The following TGFB2 variants were observed in gnomAD, a reference collection of about 807,000 sequenced individuals.
TGFB2 encodes the protein transforming growth factor beta 2.
A neutral mutation model predicts 42.7 loss-of-function variants in TGFB2; 13 were observed. The observed-to-expected ratio is 0.30, with a 90% CI of 0.20 to 0.48. The LOEUF (loss-of-function observed/expected upper bound fraction) is 0.48, where lower values mean the gene tolerates loss of function less well. Ranked by LOEUF, TGFB2 falls within the 20% of genes least tolerant of loss-of-function variation. The pLI, the probability that TGFB2 is intolerant of heterozygous loss-of-function variation, is 0.99. For synonymous variants in TGFB2, 193 were observed against 193.6 expected (o/e 1.00, Z 0.03); for missense variants, 390 against 517.5 (o/e 0.75, Z 2.39).
chr1:218,346,237 C>T lies in TGFB2; in HGVS notation c.-465C>T, dbSNP rs1656671466. On this transcript the variant is annotated 5_prime_UTR_variant, in exon 1 of 7. Coordinates refer to ENST00000366930, the MANE Select transcript of TGFB2 (RefSeq NM_003238.6). This position sits in a 1 kb window ranked among gnomAD's most constrained non-coding sequence, Gnocchi z 4.9. ...GCCCCCCTCACCGCGCTCCCGGCGC[C>T]CCTCCCGTCAGTTCGCCAGCTGCCA... 1 of 155,884 alleles carries T rather than the reference C, an allele frequency of 6.4e-6. No homozygotes were observed. Among genetic ancestry groups the T allele is most frequent in the African/African-American group, 2.4e-5 (1 of 41,502 alleles). 9.7% of individuals were successfully genotyped at this position (155,884 alleles called of 1,614,324 possible).
chr1:218,437,558 A>G (rs1431079284), intron 6 of TGFB2, 62 bp downstream of exon 6: 2 of 1,504,364 alleles, frequency 1.3e-6, no homozygotes, highest in South Asian at 2.8e-5. Context: ...TGCTGATAGT[A>G]TTTCCAAATG....
chr1:218,415,054 G>A (rs2102605254), intron 2 of TGFB2, among the ~76,000 whole-genome samples: 1 of 152,144 alleles, frequency 6.6e-6, no homozygotes, highest in East Asian at 1.9e-4. Context: ...GGGAGTCTGA[G>A]GAAGTCATGT....
chr1:218,406,485 C>T (rs1658915836), intron 2 of TGFB2, among the ~76,000 whole-genome samples: 1 of 152,184 alleles, frequency 6.6e-6, no homozygotes, highest in African/African-American at 2.4e-5. Context: ...ACAAGATCCG[C>T]AGGTGCTTCT....
chr1:218,405,675 GGTT>G, intron 2 of TGFB2: 1 of 350,222 alleles, frequency 2.9e-6, no homozygotes, highest in African/African-American at 2.1e-5. Context: ...GGCTCATTTA[GGTT>G]GTTGTAATGG....
chr1:218,373,808 T>C (rs1483346706), intron 1 of TGFB2, among the ~76,000 whole-genome samples: 1 of 152,216 alleles, frequency 6.6e-6, no homozygotes, highest in Non-Finnish European at 1.5e-5. Context: ...GGCATCATTC[T>C]CTTCTGATAA....
chr1:218,346,630 C>A lies in TGFB2; in HGVS notation c.-72C>A. On this transcript the variant is annotated 5_prime_UTR_variant, in exon 1 of 7. Transcript: ENST00000366930. The surrounding 1 kb of genome is among the most constrained non-coding windows in gnomAD (Gnocchi z 4.9). ...ACCAAACAACTCTCCTTGATCTATACTTTGAGAATTGTTGATTTCTTTTTT... is the reference window on the plus strand; with the variant it reads ...ACCAAACAACTCTCCTTGATCTATAATTTGAGAATTGTTGATTTCTTTTTT... The A allele has an allele frequency of 1.5e-6, 2 of 1,367,008 alleles. No individual in the cohort carries two copies. Among genetic ancestry groups the A allele is most frequent in the Non-Finnish European group, 2.0e-6 (2 of 1,003,804 alleles). 84.7% of individuals were successfully genotyped at this position (1,367,008 alleles called of 1,614,324 possible). A position where few individuals can be genotyped will look rare whatever the true frequency, so the allele number is the denominator to read the frequency against.
chr1:218,398,147 G>A (rs1658585908), intron 1 of TGFB2, among the ~76,000 whole-genome samples: 1 of 152,252 alleles, frequency 6.6e-6, no homozygotes, highest in African/African-American at 2.4e-5. Flanking sequence ...CCAGTATGTA[G>A]TCACACATTG....
At chr1:218,428,514 A>G (rs1167021764) in intron 2 of TGFB2, among the ~76,000 whole-genome samples, 1 of 152,174 alleles carries the variant, frequency 6.6e-6, no homozygotes, top group Non-Finnish European at 1.5e-5. Context: ...ATTTTTGTAT[A>G]AGGTGTAAGG....
At position 218,346,755 on chromosome 1, in the gene TGFB2, G is replaced by C. The variant is rs781126315; in HGVS notation, c.54G>C (p.Ala18=). ...AFLILHLVTV[A]LSLSTCSTLD... Reference sequence around the variant, plus strand: ...TGATCCTGCATCTGGTCACGGTCGCGCTCAGCCTGTCTACCTGCAGCACAC... The same window carrying C: ...TGATCCTGCATCTGGTCACGGTCGCCCTCAGCCTGTCTACCTGCAGCACAC... Residue 18 remains alanine, a synonymous_variant, in exon 1 of 7, where the codon GCG becomes GCC. Transcript: ENST00000366930. This position sits in a 1 kb window ranked among gnomAD's most constrained non-coding sequence, Gnocchi z 4.9. 6.2e-7 allele frequency: 1 copy of C among 1,613,996 alleles called. No homozygotes were observed. The highest frequency in any genetic ancestry group is 8.5e-7 in the Non-Finnish European group (1 of 1,180,016).
chr1:218,438,896 C>T (rs562486734), intron 6 of TGFB2, among the ~76,000 whole-genome samples: 10 of 152,166 alleles, frequency 6.6e-5, no homozygotes, highest in African/African-American at 2.2e-4. Flanking sequence ...ATCACGAGGT[C>T]AGGAGTTCAA....
At chr1:218,437,227 ATGTT>A in intron 5 of TGFB2, 112 bp from the exon 6 acceptor site, 1 of 1,032,044 alleles carries the variant, frequency 9.7e-7, no homozygotes, top group South Asian at 1.7e-5. Context: ...TGCTCATTAG[ATGTT>A]TGTTGAATAA....
chr1:218,346,058 A>T lies in TGFB2; in HGVS notation c.-644A>T, dbSNP rs747761067. 7.1e-6 allele frequency among the ~76,000 whole-genome samples: 1 copy of T among 140,922 alleles called. No individual in the cohort carries two copies. Among genetic ancestry groups the T allele is most frequent in the South Asian group, 2.3e-4 (1 of 4,272 alleles). The allele number at this position is 140,922 out of a possible 152,430, so 92.5% of individuals were successfully genotyped here. A position where few individuals can be genotyped will look rare whatever the true frequency, so the allele number is the denominator to read the frequency against. On this transcript the variant is annotated 5_prime_UTR_variant, in exon 1 of 7. Transcript: ENST00000366930. This position sits in a 1 kb window ranked among gnomAD's most constrained non-coding sequence, Gnocchi z 4.9. ...GCTCGCCCCCAGCGCGCGCACACGC[A>T]CACACACACACACACACACACACGC...
intron 1 of TGFB2, among the ~76,000 whole-genome samples, chr1:218,394,392 T>C (rs896891202): frequency 8.6e-5 from 13 of 152,040 alleles, no homozygotes; most frequent in African/African-American, 2.9e-4. Flanking sequence ...GATGGAAACT[T>C]TGGAATAGAA....
intron 1 of TGFB2, among the ~76,000 whole-genome samples, chr1:218,388,759 C>T (rs1329807369): frequency 6.6e-6 from 1 of 152,184 alleles, no homozygotes; most frequent in Non-Finnish European, 1.5e-5. Context: ...AAGATACTTC[C>T]GCTCTCAGCA....
chr1:218,384,309 A>G (rs1350612174), intron 1 of TGFB2, among the ~76,000 whole-genome samples: 1 of 152,074 alleles, frequency 6.6e-6, no homozygotes, highest in Non-Finnish European at 1.5e-5. Flanking sequence ...CGTGGTGGAA[A>G]AAGCGTTAGC....
intron 6 of TGFB2, among the ~76,000 whole-genome samples, chr1:218,438,273 T>C (rs1660036884): frequency 6.6e-6 from 1 of 152,128 alleles, no homozygotes; most frequent in Non-Finnish European, 1.5e-5. Context: ...ATAGATAAAG[T>C]GTGAAGGGAC....
chr1:218,348,907 A>G (rs1237543899), intron 1 of TGFB2, among the ~76,000 whole-genome samples: 1 of 152,242 alleles, frequency 6.6e-6, no homozygotes, highest in Non-Finnish European at 1.5e-5. Flanking sequence ...TTTACTGAAT[A>G]GGTGTGGAGA....
Position 218,441,657 on chromosome 1 carries a change from T to C in TGFB2, c.*295T>C, listed in dbSNP as rs1660157003. 4.3e-6 allele frequency: 1 copy of C among 235,208 alleles called. No homozygotes were observed. Among genetic ancestry groups the C allele is most frequent in the Middle Eastern group, 1.5e-3 (1 of 670 alleles). 14.6% of individuals were successfully genotyped at this position (235,208 alleles called of 1,614,324 possible). ...AGAAAAAAATAAACACTGGAAGAAT[T>C]TATTAGTGTTAATTATGTGAACAAC... is the stretch of plus-strand genomic sequence containing the variant. On this transcript the variant is annotated 3_prime_UTR_variant, in exon 7 of 7. Transcript: ENST00000366930.
chr1:218,415,870 T>A (rs952013836), intron 2 of TGFB2, among the ~76,000 whole-genome samples: 2 of 152,024 alleles, frequency 1.3e-5, no homozygotes, highest in Non-Finnish European at 2.9e-5. Flanking sequence ...AGGTTAAGTG[T>A]CTGGCACACA....
Sources: gnomAD v4.1 joint callset for allele counts (sites outside exome capture counted in the v4.1 genomes callset) on GRCh38, gnomAD v4.1.1 for gene constraint, Gnocchi (gnomAD v3.1) non-coding constraint, MANE v1.5 for transcripts, NCBI Gene and HGNC (gene_info 2026-07-23, HGNC 2026-07-21) for gene names.